The following RANBP9 variants were observed in gnomAD, a reference collection of about 807,000 sequenced individuals.
RANBP9 encodes RAN binding protein 9, also known as ran-binding protein 9.
RANBP9 carries 15 observed loss-of-function variants against 84.3 expected under a neutral mutation model. The observed-to-expected ratio is 0.18, with a 90% CI of 0.12 to 0.27. The LOEUF is 0.27. Among genes scored for constraint, RANBP9 ranks in the 10% least tolerant of loss-of-function variants. RANBP9 has a pLI of 1.00. For synonymous variants in RANBP9, 392 were observed against 349.6 expected (o/e 1.12, Z -1.35); for missense variants, 809 against 912.8 (o/e 0.89, Z 1.46).
At chr6:13,639,962 TATA>T (rs557882703) in intron 8 of RANBP9, among the ~76,000 whole-genome samples, 99 of 152,304 alleles carry the variant, frequency 6.5e-4, no homozygotes, top group African/African-American at 2.3e-3. Flanking sequence ...TAATAGACAC[TATA>T]ATAATATTAC....
intron 2 of RANBP9, among the ~76,000 whole-genome samples, chr6:13,691,917 C>T (rs534327176): frequency 6.6e-6 from 1 of 152,284 alleles, no homozygotes; most frequent in Admixed American, 6.5e-5. Flanking sequence ...CCACCGGCAT[C>T]AGCCTCTCAA....
At chr6:13,689,703 T>C (rs1486122630) in intron 2 of RANBP9, among the ~76,000 whole-genome samples, 1 of 152,212 alleles carries the variant, frequency 6.6e-6, no homozygotes, top group Non-Finnish European at 1.5e-5. Flanking sequence ...TAGTCTGGAA[T>C]GTTCTTCCCC....
intron 10 of RANBP9, among the ~76,000 whole-genome samples, chr6:13,636,712 G>C (rs1188726073): frequency 6.6e-6 from 1 of 152,122 alleles, no homozygotes; most frequent in African/African-American, 2.4e-5. Context: ...CCTCTGCTGT[G>C]AAAGACGATT....
At chr6:13,654,142 C>A (rs930262829) in intron 4 of RANBP9, among the ~76,000 whole-genome samples, 2 of 152,010 alleles carry the variant, frequency 1.3e-5, no homozygotes, top group Admixed American at 1.3e-4. Context: ...ACGAAAAATT[C>A]AAAATTAATT....
chr6:13,684,552 T>C lies in RANBP9; in HGVS notation c.683+12233A>G, dbSNP rs944227318. ...TTTCCTCTCTAACCAGCTGGGTATATAGTAAAAAATTGTAAGTATGTAAAC... is the reference window on the plus strand; with the variant it reads ...TTTCCTCTCTAACCAGCTGGGTATACAGTAAAAAATTGTAAGTATGTAAAC... On this transcript the variant is annotated intron_variant, in intron 2 of 13. Coordinates refer to ENST00000011619, the MANE Select transcript of RANBP9 (RefSeq NM_005493.3). Among the ~76,000 whole-genome samples the C allele has an allele frequency of 4.6e-5, 7 of 152,216 alleles. No homozygotes were observed. The East Asian group carries it at 5.8e-4, about 13-fold the overall frequency.
intron 8 of RANBP9, among the ~76,000 whole-genome samples, chr6:13,640,648 C>T (rs1313650170): frequency 1.3e-5 from 2 of 151,988 alleles, no homozygotes; most frequent in African/African-American, 4.8e-5. Flanking sequence ...TAAAATAAGC[C>T]AGTAATGAAG....
At chr6:13,685,263 A>G (rs193053838) in intron 2 of RANBP9, among the ~76,000 whole-genome samples, 2 of 152,362 alleles carry the variant, frequency 1.3e-5, no homozygotes, top group East Asian at 3.9e-4. Flanking sequence ...GAGAACAGCT[A>G]TGGATGTGCC....
At chr6:13,647,005 A>G (rs895317154) in intron 5 of RANBP9, among the ~76,000 whole-genome samples, 1 of 152,228 alleles carries the variant, frequency 6.6e-6, no homozygotes, top group Non-Finnish European at 1.5e-5. Context: ...ACATCAGATT[A>G]AGACTTGAAA....
intron 2 of RANBP9, among the ~76,000 whole-genome samples, chr6:13,676,253 GTTA>G (rs971846849): frequency 1.3e-5 from 2 of 151,524 alleles, no homozygotes; most frequent in African/African-American, 4.8e-5. Context: ...TTTTATTGTG[GTTA>G]TTGTTTGTAA....
At chr6:13,684,381 C>T (rs1031291167) in intron 2 of RANBP9, among the ~76,000 whole-genome samples, 7 of 152,138 alleles carry the variant, frequency 4.6e-5, no homozygotes, top group African/African-American at 1.2e-4. Flanking sequence ...ATATCAGCTC[C>T]GTGCTGATTT....
At chr6:13,707,713 T>A (rs1410956521) in intron 1 of RANBP9, among the ~76,000 whole-genome samples, 1 of 152,232 alleles carries the variant, frequency 6.6e-6, no homozygotes, top group Non-Finnish European at 1.5e-5. Context: ...CACTAGTGTG[T>A]GTATATATAA....
intron 2 of RANBP9, among the ~76,000 whole-genome samples, chr6:13,696,271 T>G (rs1172706819): frequency 6.6e-6 from 1 of 152,150 alleles, no homozygotes; most frequent in Non-Finnish European, 1.5e-5. Context: ...AGCAATGATA[T>G]AAAATTTGGT....
chr6:13,709,123 T>C (rs1758208230), intron 1 of RANBP9, among the ~76,000 whole-genome samples: 1 of 152,222 alleles, frequency 6.6e-6, no homozygotes, highest in African/African-American at 2.4e-5. Context: ...ACTAATTTCA[T>C]ATAAACGTGT....
intron 2 of RANBP9, among the ~76,000 whole-genome samples, chr6:13,663,360 A>T (rs1312894265): frequency 6.6e-6 from 1 of 152,158 alleles, no homozygotes; most frequent in Non-Finnish European, 1.5e-5. Context: ...AAAGTGAAAC[A>T]AACACATTTT....
intron 11 of RANBP9, among the ~76,000 whole-genome samples, chr6:13,633,806 A>T (rs10948804): frequency 0.54 from 81,776 of 152,066 alleles, 22,421 homozygotes; most frequent in Admixed American, 0.63. Flanking sequence ...AAAAAATGTA[A>T]TCCAACAAAT....
chr6:13,694,181 C>T (rs1227561097), intron 2 of RANBP9, among the ~76,000 whole-genome samples: 1 of 152,196 alleles, frequency 6.6e-6, no homozygotes, highest in Non-Finnish European at 1.5e-5. Context: ...TAGATACTTA[C>T]TCGTGAAAAG....
At chr6:13,629,611 A>G (rs889983676) in intron 12 of RANBP9, among the ~76,000 whole-genome samples, 1 of 152,134 alleles carries the variant, frequency 6.6e-6, no homozygotes, top group Non-Finnish European at 1.5e-5. Context: ...TTCAGTTACT[A>G]AAGGGTCCTT....
chr6:13,665,272 A>G (rs1425404841), intron 2 of RANBP9, among the ~76,000 whole-genome samples: 1 of 152,176 alleles, frequency 6.6e-6, no homozygotes, highest in East Asian at 1.9e-4. Context: ...AACTTTAGCA[A>G]AATTTAAAAC....
intron 2 of RANBP9, among the ~76,000 whole-genome samples, chr6:13,663,894 T>G (rs762832375): frequency 3.3e-5 from 5 of 152,100 alleles, no homozygotes; most frequent in Non-Finnish European, 5.9e-5. Context: ...TTCCTCAACC[T>G]GTACCTACAA....
Sources: allele counts gnomAD v4.1 joint callset (sites outside exome capture counted in the v4.1 genomes callset), GRCh38; gene constraint gnomAD v4.1.1; transcripts MANE v1.5; gene names NCBI Gene and HGNC (gene_info 2026-07-23, HGNC 2026-07-21).